PTK2: variants seen among roughly 807,000 people sequenced by gnomAD.
PTK2 encodes protein tyrosine kinase 2.
PTK2 carries 45 observed loss-of-function variants against 150.1 expected under a neutral mutation model. The ratio of observed to expected loss-of-function variants is 0.30; its 90% CI spans 0.24 to 0.38. PTK2 has a LOEUF of 0.38. Ranked by LOEUF, PTK2 falls within the 10% of genes least tolerant of loss-of-function variation. The pLI is 1.00. For missense variants in PTK2, 919 were observed against 1,307.3 expected (o/e 0.70, Z 4.58); for synonymous variants, 432 against 449.2 (o/e 0.96, Z 0.48).
At chr8:140,739,479 T>C (rs2100054460) in intron 20 of PTK2, among the ~76,000 whole-genome samples, 1 of 152,164 alleles carries the variant, frequency 6.6e-6, no homozygotes, top group African/African-American at 2.4e-5. Context: ...GCTATACACA[T>C]GTCCTGCTAA....
chr8:140,817,146 T>G (rs2100105183), intron 10 of PTK2, among the ~76,000 whole-genome samples: 1 of 152,060 alleles, frequency 6.6e-6, no homozygotes, highest in Non-Finnish European at 1.5e-5. Context: ...AATAACCAAG[T>G]AGGACAGTGT....
intron 1 of PTK2, chr8:140,954,677 A>G (rs1313925989): frequency 1.3e-5 from 2 of 152,218 alleles, no homozygotes; most frequent in African/African-American, 4.8e-5. Context: ...AGACACTAAG[A>G]CAGGTGAAAG....
chr8:140,964,474 C>T (rs987295675), intron 1 of PTK2, among the ~76,000 whole-genome samples: 26 of 151,806 alleles, frequency 1.7e-4, no homozygotes, highest in African/African-American at 5.1e-4. Context: ...ACCTCCCAGG[C>T]TCATGCGATT....
intron 12 of PTK2, among the ~76,000 whole-genome samples, chr8:140,798,652 T>C (rs2100093139): frequency 2.0e-5 from 3 of 152,208 alleles, no homozygotes; most frequent in Non-Finnish European, 4.4e-5. Flanking sequence ...CCGAATGTTA[T>C]TTTTAAATGT....
intron 15 of PTK2, 28 bp downstream of exon 18, chr8:140,762,340 T>C (rs2100069865): frequency 1.7e-6 from 2 of 1,154,476 alleles, no homozygotes; most frequent in Non-Finnish European, 2.2e-6. Context: ...TGCAAGCAAA[T>C]GCAGTTAATT....
chr8:140,670,926 T>C (rs923409796), intron 29 of PTK2, among the ~76,000 whole-genome samples: 2 of 152,210 alleles, frequency 1.3e-5, no homozygotes, highest in Non-Finnish European at 2.9e-5. Flanking sequence ...TGCCCAATTA[T>C]TGTGGTAGAG....
chr8:140,872,758 CAT>C (rs1379104783), intron 4 of PTK2, among the ~76,000 whole-genome samples: 2 of 152,218 alleles, frequency 1.3e-5, no homozygotes, highest in African/African-American at 2.4e-5. Flanking sequence ...ATGGTCTTAA[CAT>C]GTGTTCCCAA....
In PTK2 at chr8:140,668,510, GAGATCAAAGC is replaced by G. The variant is rs2093726940; in HGVS notation, c.2710-96_2710-87del. ...ATCAAGCTAGAGAGGGTCTTTACAA[GAGATCAAAGC>G]AGATTGCAGAAGGTCATTGATTTTC... is the stretch of plus-strand genomic sequence containing the variant. On this transcript the variant is annotated intron_variant, in intron 29 of 31. Transcript: ENST00000522684. The G allele has an allele frequency of 2.8e-6, 4 of 1,436,818 alleles. No homozygotes were observed. In the East Asian group the frequency reaches 9.2e-5, roughly 33 times the overall value. 89.0% of individuals were successfully genotyped at this position (1,436,818 alleles called of 1,614,324 possible).
intron 2 of PTK2, among the ~76,000 whole-genome samples, chr8:140,891,144 GA>G (rs2100154125): frequency 8.2e-6 from 1 of 122,450 alleles, no homozygotes; most frequent in South Asian, 2.7e-4. Context: ...CCCTGCTTTT[GA>G]AAACTTTTAC....
chr8:140,674,155 C>A, intron 29 of PTK2, 143 bp downstream of exon 32: 2 of 847,442 alleles, frequency 2.4e-6, no homozygotes, highest in South Asian at 2.7e-5. Context: ...GACCAATTGA[C>A]TCCTGGGTCT....
chr8:140,987,877 T>A (rs2100193923), intron 1 of PTK2, among the ~76,000 whole-genome samples: 1 of 152,114 alleles, frequency 6.6e-6, no homozygotes, highest in African/African-American at 2.4e-5. Flanking sequence ...ACCTCGTCTC[T>A]ACAAAAATGT....
chr8:140,836,070 T>G lies in PTK2; in HGVS notation c.594-5544A>C, dbSNP rs181311571. On this transcript the variant is annotated intron_variant, in intron 7 of 31. Coordinates refer to ENST00000522684, the Ensembl canonical transcript of PTK2. Reference sequence around the variant, plus strand: ...TGAACTGGAATAACTGGGTAAATAATTATCTGGTTTTTTTTTTAATCAGAC... The same window carrying G: ...TGAACTGGAATAACTGGGTAAATAAGTATCTGGTTTTTTTTTTAATCAGAC... Among the ~76,000 whole-genome samples, 5 of 151,524 alleles carry G rather than the reference T, an allele frequency of 3.3e-5. No homozygotes were observed. The East Asian group carries it at 7.7e-4, about 23-fold the overall frequency.
intron 31 of PTK2, among the ~76,000 whole-genome samples, chr8:140,663,307 G>A (rs1353180765): frequency 1.3e-5 from 2 of 151,474 alleles, no homozygotes; most frequent in Non-Finnish European, 2.9e-5. Context: ...AGGAAAGTTG[G>A]GAGTTCTCTC....
chr8:140,876,043 T>C (rs376077831), intron 4 of PTK2, among the ~76,000 whole-genome samples: 4 of 152,230 alleles, frequency 2.6e-5, no homozygotes, highest in East Asian at 1.9e-4. Context: ...CATACGATAT[T>C]AACAGGGTAT....
chr8:140,741,548 G>C (rs1182322575), intron 20 of PTK2, among the ~76,000 whole-genome samples: 1 of 151,804 alleles, frequency 6.6e-6, no homozygotes, highest in East Asian at 1.9e-4. Flanking sequence ...TATGGAAAGA[G>C]AATAGTTATA....
chr8:140,870,531 A>C (rs994108183), intron 4 of PTK2, among the ~76,000 whole-genome samples: 3 of 152,172 alleles, frequency 2.0e-5, no homozygotes, highest in Admixed American at 1.3e-4. Flanking sequence ...AGTAAAGATG[A>C]CACAAAGGCT....
chr8:140,856,389 A>T (rs2100132630), intron 5 of PTK2, among the ~76,000 whole-genome samples: 1 of 149,156 alleles, frequency 6.7e-6, no homozygotes, highest in South Asian at 2.1e-4. Context: ...AACAAAACAA[A>T]ACAAAACAAA....
At chr8:140,809,022 G>A (rs547131352) in intron 10 of PTK2, among the ~76,000 whole-genome samples, 102 of 151,928 alleles carry the variant, frequency 6.7e-4, no homozygotes, top group Non-Finnish European at 9.6e-4. Flanking sequence ...CATGAGCCAC[G>A]GTGCCTGGCC....
chr8:140,901,704 G>A (rs2100158524), intron 2 of PTK2, among the ~76,000 whole-genome samples: 1 of 149,228 alleles, frequency 6.7e-6, no homozygotes, highest in East Asian at 2.0e-4. Context: ...TGCAGAACGT[G>A]CAGGTTTGTT....
Sources: allele counts gnomAD v4.1 joint callset (sites outside exome capture counted in the v4.1 genomes callset), GRCh38; gene constraint gnomAD v4.1.1; transcripts MANE v1.5; gene names NCBI Gene and HGNC (gene_info 2026-07-23, HGNC 2026-07-21).